SYN2: variants seen among roughly 807,000 people sequenced by gnomAD.
SYN2 encodes the protein synapsin-2.
A neutral mutation model predicts 50.9 loss-of-function variants in SYN2; 19 were observed. The observed-to-expected ratio is 0.37, with a 90% CI of 0.26 to 0.55. SYN2 has a LOEUF of 0.55. Ranked by LOEUF, SYN2 falls within the 20% of genes least tolerant of loss-of-function variation. The pLI, the probability that SYN2 is intolerant of heterozygous loss-of-function variation, is 0.81. For synonymous variants in SYN2, 255 were observed against 224.9 expected, an observed-to-expected ratio of 1.13 and a Z score of -1.20; for missense variants, 587 against 576.4, an observed-to-expected ratio of 1.02 and a Z score of -0.19.
At chr3:12,165,210 C>T (rs1559449856) in intron 7 of SYN2, 1 of 152,206 alleles carries the variant, frequency 6.6e-6, no homozygotes, top group African/African-American at 2.4e-5. Context: ...TGGTCTCGAT[C>T]TCCCGACCTC....
At chr3:12,093,587 A>C (rs1373035649) in intron 1 of SYN2, among the ~76,000 whole-genome samples, 1 of 152,170 alleles carries the variant, frequency 6.6e-6, no homozygotes, top group East Asian at 1.9e-4. Context: ...TGGGAACTTC[A>C]GCTGTAACAA....
intron 1 of SYN2, among the ~76,000 whole-genome samples, chr3:12,129,194 TAGTC>T (rs1170370240): frequency 1.3e-4 from 20 of 152,096 alleles, no homozygotes; most frequent in African/African-American, 2.2e-4. Context: ...TTTGTTCAGA[TAGTC>T]AGTAGAAACA....
intron 1 of SYN2, among the ~76,000 whole-genome samples, chr3:12,106,265 C>T (rs949160852): frequency 5.3e-5 from 8 of 152,196 alleles, no homozygotes; most frequent in East Asian, 1.9e-4. Flanking sequence ...AGATCTCTTC[C>T]TCTTCCGTCT....
intron 1 of SYN2, among the ~76,000 whole-genome samples, chr3:12,053,523 A>G (rs968894256): frequency 6.6e-6 from 1 of 152,138 alleles, no homozygotes; most frequent in Non-Finnish European, 1.5e-5. Flanking sequence ...CTTAGGTCTC[A>G]CAGCCCCCCT....
At chr3:12,107,315 C>G (rs1696214215) in intron 1 of SYN2, among the ~76,000 whole-genome samples, 3 of 152,138 alleles carry the variant, frequency 2.0e-5, no homozygotes, top group Non-Finnish European at 4.4e-5. Flanking sequence ...TACCCTGGGA[C>G]TATCTAATGC....
rs377268683 is a variant in SYN2 at position 12,157,477 on chromosome 3, G to A, written c.775-4069G>A. Reference sequence around the variant, plus strand: ...ACCTTCTCACTGGAGATTTTGGCCCGAATCACTGCATAGGAAGAGAAAAGA... The same window carrying A: ...ACCTTCTCACTGGAGATTTTGGCCCAAATCACTGCATAGGAAGAGAAAAGA... On this transcript the variant is annotated intron_variant, in intron 5 of 12. Transcript: ENST00000621198. 25 of 1,613,970 alleles carry A rather than the reference G, an allele frequency of 1.5e-5. No homozygotes were observed. The highest frequency in any genetic ancestry group is 2.7e-5 in the African/African-American group (2 of 74,916).
At chr3:12,120,021 A>G (rs979854165) in intron 1 of SYN2, among the ~76,000 whole-genome samples, 2 of 152,110 alleles carry the variant, frequency 1.3e-5, no homozygotes, top group African/African-American at 4.8e-5. Flanking sequence ...TCTAACAAAG[A>G]TTTAGGCAGA....
chr3:12,037,728 A>G lies in SYN2; in HGVS notation c.377+32800A>G, dbSNP rs192431608. ...GGCCTCACGACCTAATTGCTGTTAA[A>G]GGTCCCACCTCATAACACTGTTGCA... On this transcript the variant is annotated intron_variant, in intron 1 of 12. Transcript: ENST00000621198. Among the ~76,000 whole-genome samples, 33 of 152,342 alleles carry G rather than the reference A, an allele frequency of 2.2e-4. No individual in the cohort carries two copies. The East Asian group carries it at 5.4e-3, about 25-fold the overall frequency.
chr3:12,161,964 GTA>G (rs1276110425), intron 6 of SYN2, 46 bp from the exon 7 acceptor site: 1 of 1,609,500 alleles, frequency 6.2e-7, no homozygotes, highest in African/African-American at 1.3e-5. Flanking sequence ...CTCAGTGTGT[GTA>G]TGTGTGTGTC....
chr3:12,155,798 C>A (rs976031482), intron 5 of SYN2, among the ~76,000 whole-genome samples: 1 of 152,152 alleles, frequency 6.6e-6, no homozygotes, highest in Non-Finnish European at 1.5e-5. Flanking sequence ...TGCCTAGCAG[C>A]GGGCTAGACA....
intron 1 of SYN2, among the ~76,000 whole-genome samples, chr3:12,098,331 A>T (rs1695987748): frequency 6.6e-6 from 1 of 152,212 alleles, no homozygotes; most frequent in Non-Finnish European, 1.5e-5. Flanking sequence ...AGATGTACAA[A>T]AAAATGAGAG....
At chr3:12,104,767 GT>G (rs944454285) in intron 1 of SYN2, among the ~76,000 whole-genome samples, 46 of 151,770 alleles carry the variant, frequency 3.0e-4, no homozygotes, top group Admixed American at 2.4e-3. Flanking sequence ...TAGAGATGGA[GT>G]TTCACCATGT....
intron 1 of SYN2, among the ~76,000 whole-genome samples, chr3:12,023,581 T>C (rs1694191533): frequency 6.6e-6 from 1 of 152,160 alleles, no homozygotes; most frequent in Non-Finnish European, 1.5e-5. Context: ...TGAGGAGGAA[T>C]TATGAGTTAA....
chr3:12,118,477 C>T (rs1574950188), intron 1 of SYN2, among the ~76,000 whole-genome samples: 1 of 152,252 alleles, frequency 6.6e-6, no homozygotes, highest in East Asian at 1.9e-4. Context: ...AGGAAACAGG[C>T]CCAGAGAGAT....
chr3:12,140,588 G>A, intron 1 of SYN2, 63 bp from the exon 2 acceptor site: 1 of 719,628 alleles, frequency 1.4e-6, no homozygotes, highest in Non-Finnish European at 2.6e-6. Flanking sequence ...CTTTGTAATA[G>A]TAAATGTCTG....
intron 5 of SYN2, among the ~76,000 whole-genome samples, chr3:12,161,056 G>A (rs1190166287): frequency 1.3e-5 from 2 of 152,184 alleles, no homozygotes; most frequent in African/African-American, 4.8e-5. Flanking sequence ...GAAAGAGGGA[G>A]AAAACAACCA....
intron 1 of SYN2, among the ~76,000 whole-genome samples, chr3:12,029,289 A>T (rs1028171463): frequency 1.5e-5 from 2 of 130,030 alleles, no homozygotes; most frequent in African/African-American, 7.5e-5. Flanking sequence ...GCCTTGTAGT[A>T]TAGTTTGAAG....
At chr3:12,017,965 A>G (rs774707292) in intron 1 of SYN2, among the ~76,000 whole-genome samples, 1 of 152,246 alleles carries the variant, frequency 6.6e-6, no homozygotes, top group Non-Finnish European at 1.5e-5. Context: ...TGGAAACTTC[A>G]TACTTTGAGC....
chr3:12,138,285 A>C (rs979337945), intron 1 of SYN2, among the ~76,000 whole-genome samples: 3 of 152,224 alleles, frequency 2.0e-5, no homozygotes, highest in African/African-American at 7.2e-5. Flanking sequence ...AACACACACT[A>C]AGATTTCCAA....
Sources: allele counts gnomAD v4.1 joint callset (sites outside exome capture counted in the v4.1 genomes callset), GRCh38; gene constraint gnomAD v4.1.1; transcripts MANE v1.5; gene names NCBI Gene and HGNC (gene_info 2026-07-23, HGNC 2026-07-21).